Variants in ABAT observed in about 807,000 individuals in gnomAD.
ABAT encodes the protein 4-aminobutyrate aminotransferase, mitochondrial.
ABAT carries 45 observed loss-of-function variants against 64.6 expected under a neutral mutation model. The ratio of observed to expected loss-of-function variants is 0.70; its 90% CI spans 0.55 to 0.89. The LOEUF is 0.89. ABAT is among the 40% of genes least tolerant of loss of function. The pLI, the probability that ABAT is intolerant of heterozygous loss-of-function variation, is 0.00. For synonymous variants in ABAT, 297 were observed against 250.5 expected, an observed-to-expected ratio of 1.19 and a Z score of -1.75; for missense variants, 633 against 658.4, an observed-to-expected ratio of 0.96 and a Z score of 0.42.
In ABAT at chr16:8,766,188, G is replaced by T; in HGVS notation, c.541-20G>T. 1 of 1,613,354 alleles carries T rather than the reference G, an allele frequency of 6.2e-7. No homozygotes were observed. The highest frequency in any genetic ancestry group is 2.2e-5 in the East Asian group (1 of 44,860). ...TACCCCAGAGCATCTCTGAGATTTTGTTCTGTTCTATTGTTTCAGAGCAAG... is the reference window on the plus strand; with the variant it reads ...TACCCCAGAGCATCTCTGAGATTTTTTTCTGTTCTATTGTTTCAGAGCAAG... On this transcript the variant is annotated intron_variant, in intron 8 of 15. Transcript: ENST00000268251.
intron 1 of ABAT, among the ~76,000 whole-genome samples, chr16:8,716,044 C>G (rs542744757): frequency 6.6e-6 from 1 of 152,304 alleles, no homozygotes; most frequent in East Asian, 1.9e-4. Context: ...TGAAGATTTT[C>G]CAGTGCCCAG....
chr16:8,757,742 C>G lies in ABAT; in HGVS notation c.317-15C>G. On this transcript the variant is annotated splice_polypyrimidine_tract_variant and intron_variant, in intron 5 of 15. Transcript: ENST00000268251. ...GGATGCAATGAGGTCTCTAACAATA[C>G]TCTCCTGCCCTCAGGTTACAGCCAC... is the stretch of plus-strand genomic sequence containing the variant. 2 of 1,613,786 alleles carry G rather than the reference C, an allele frequency of 1.2e-6. No individual in the cohort carries two copies. Among genetic ancestry groups the G allele is most frequent in the South Asian group, 2.2e-5 (2 of 91,084 alleles).
At chr16:8,761,369 C>G (rs994492142) in intron 6 of ABAT, among the ~76,000 whole-genome samples, 2 of 152,224 alleles carry the variant, frequency 1.3e-5, no homozygotes, top group Non-Finnish European at 2.9e-5. Flanking sequence ...TTCCCTGGTA[C>G]TTACTGCCTT....
intron 1 of ABAT, among the ~76,000 whole-genome samples, chr16:8,691,027 A>C (rs915644353): frequency 6.6e-6 from 1 of 150,632 alleles, no homozygotes; most frequent in African/African-American, 2.4e-5. Flanking sequence ...TTTTAGAATA[A>C]GTATTGGCAG....
chr16:8,687,351 C>T (rs1185494434), intron 1 of ABAT, among the ~76,000 whole-genome samples: 1 of 152,030 alleles, frequency 6.6e-6, no homozygotes, highest in Non-Finnish European at 1.5e-5. Context: ...GGTGAAACCC[C>T]GTCTCTACTA....
At chr16:8,769,855 G>T (rs776402735) in intron 11 of ABAT, among the ~76,000 whole-genome samples, 17 of 152,144 alleles carry the variant, frequency 1.1e-4, no homozygotes, top group Admixed American at 1.0e-3. Flanking sequence ...CACTGTTTGG[G>T]TATAGATTTG....
intron 2 of ABAT, among the ~76,000 whole-genome samples, chr16:8,737,941 A>G (rs1465623628): frequency 1.2e-4 from 1 of 8,018 alleles, no homozygotes; most frequent in Non-Finnish European, 3.9e-4. Context: ...AAAAGAAAGG[A>G]AAGGAAGAAA....
At chr16:8,767,107 G>T (rs997110359) in intron 9 of ABAT, among the ~76,000 whole-genome samples, 1 of 152,216 alleles carries the variant, frequency 6.6e-6, no homozygotes, top group South Asian at 2.1e-4. Context: ...AGACTTGGGG[G>T]CCCCCACAGT....
chr16:8,753,898 G>A lies in ABAT; in HGVS notation c.316+3359G>A, dbSNP rs181325990. 3.8e-3 allele frequency among the ~76,000 whole-genome samples: 575 copies of A among 152,022 alleles called. 5 individuals are homozygous for A. Among genetic ancestry groups the A allele is most frequent in the Non-Finnish European group, 3.8e-3 (256 of 67,972 alleles). Reference sequence around the variant, plus strand: ...ATTCTATTAGCAGAAAGTCTCCCCTGGGTGATGCCAGGTCTTTAATACCTG... The same window carrying A: ...ATTCTATTAGCAGAAAGTCTCCCCTAGGTGATGCCAGGTCTTTAATACCTG... On this transcript the variant is annotated intron_variant, in intron 5 of 15. Coordinates refer to ENST00000268251, the MANE Select transcript of ABAT (RefSeq NM_020686.6).
intron 1 of ABAT, among the ~76,000 whole-genome samples, chr16:8,678,788 G>A (rs972563835): frequency 3.9e-5 from 6 of 152,126 alleles, no homozygotes; most frequent in African/African-American, 1.4e-4. Context: ...TGAATGAGGT[G>A]GATCCACATT....
chr16:8,711,783 GGA>G (rs1207468203), intron 1 of ABAT, among the ~76,000 whole-genome samples: 2,122 of 136,522 alleles, frequency 0.016, 20 homozygotes, highest in African/African-American at 0.037. Context: ...TGGATGGATG[GGA>G]AGATGGATGG....
chr16:8,694,979 C>G (rs1482967557), intron 1 of ABAT, among the ~76,000 whole-genome samples: 1 of 152,242 alleles, frequency 6.6e-6, no homozygotes, highest in Non-Finnish European at 1.5e-5. Flanking sequence ...CCCGACGTTT[C>G]ACTTGATTGT....
rs559989318 is a variant in ABAT at position 8,700,197 on chromosome 16, T to C, written c.-42+25486T>C. Among the ~76,000 whole-genome samples, 11 of 152,232 alleles carry C rather than the reference T, an allele frequency of 7.2e-5. No homozygotes were observed. The South Asian group carries it at 2.1e-3, about 29-fold the overall frequency. On this transcript the variant is annotated intron_variant, in intron 1 of 15. Coordinates refer to ENST00000268251, the MANE Select transcript of ABAT (RefSeq NM_020686.6). ...AGGATACAGACATGAGTATTGCAGGTGTGGTTTTTGCCCTCTCACAGCTTG... is the reference window on the plus strand; with the variant it reads ...AGGATACAGACATGAGTATTGCAGGCGTGGTTTTTGCCCTCTCACAGCTTG...
At chr16:8,758,057 A>G (rs923407670) in intron 6 of ABAT, among the ~76,000 whole-genome samples, 23 of 152,350 alleles carry the variant, frequency 1.5e-4, no homozygotes, top group Admixed American at 1.1e-3. Flanking sequence ...CTACAGAGTA[A>G]GGTAGGCAGC....
In ABAT at chr16:8,680,981, TCTA is replaced by T. The variant is rs371692911; in HGVS notation, c.-42+6271_-42+6273del. 2.2e-4 allele frequency among the ~76,000 whole-genome samples: 32 copies of T among 145,568 alleles called. 3 individuals carry two copies. The highest frequency in any genetic ancestry group is 1.8e-4 in the Non-Finnish European group (12 of 65,966). Reference sequence around the variant, plus strand: ...CTCTTTTTCTTTTTCTTTTTATTTATCTATTTTTTTTTTTGAGACAGAGTCTCA... The same window carrying T: ...CTCTTTTTCTTTTTCTTTTTATTTATTTTTTTTTTTTGAGACAGAGTCTCA... On this transcript the variant is annotated intron_variant, in intron 1 of 15. Coordinates refer to ENST00000268251, the MANE Select transcript of ABAT (RefSeq NM_020686.6).
At chr16:8,760,068 C>T (rs77604948) in intron 6 of ABAT, 2,493 of 152,374 alleles carry the variant, frequency 0.016, 23 homozygotes, top group Non-Finnish European at 0.024. Flanking sequence ...CTTATGAAGA[C>T]CACTGCTGTG....
At chr16:8,738,020 A>AGAAAGAAAGAAAGAAAGAAAG (rs1567295862) in intron 2 of ABAT, among the ~76,000 whole-genome samples, 2 of 126,352 alleles carry the variant, frequency 1.6e-5, no homozygotes, top group Non-Finnish European at 3.3e-5. Flanking sequence ...AAGAAAGGAA[A>AGAAAGAAAGAAAGAAAGAAAG]GAAAGAAAGA....
intron 1 of ABAT, among the ~76,000 whole-genome samples, chr16:8,732,498 A>G (rs916746006): frequency 3.3e-5 from 5 of 151,366 alleles, no homozygotes; most frequent in African/African-American, 9.8e-5. Flanking sequence ...TTTAACCCTG[A>G]GTGGACACAG....
intron 1 of ABAT, among the ~76,000 whole-genome samples, chr16:8,687,966 G>A (rs910282142): frequency 2.6e-5 from 4 of 151,754 alleles, no homozygotes; most frequent in Non-Finnish European, 4.4e-5. Flanking sequence ...TGGCACCATC[G>A]TAGCTTACTG....
Sources: gnomAD v4.1 joint callset for allele counts (sites outside exome capture counted in the v4.1 genomes callset) on GRCh38, gnomAD v4.1.1 for gene constraint, MANE v1.5 for transcripts, NCBI Gene and HGNC (gene_info 2026-07-23, HGNC 2026-07-21) for gene names.